Variants in SYNE1 observed in about 807,000 individuals in gnomAD.
SYNE1 encodes the protein nesprin-1.
In SYNE1, 616 loss-of-function variants were observed where a neutral mutation model predicts 1,111.0. The ratio of observed to expected loss-of-function variants is 0.55; its 90% confidence interval spans 0.52 to 0.59. SYNE1 has a LOEUF of 0.59. SYNE1 is among the 20% of genes least tolerant of loss of function. SYNE1 has a pLI of 0.00. For synonymous variants in SYNE1, 3,855 were observed against 3,825.8 expected (o/e 1.01, Z -0.28); for missense variants, 10,006 against 10,417.0 (o/e 0.96, Z 1.72).
At chr6:152,502,915 A>G (rs2099037583) in intron 9 of SYNE1, among the ~76,000 whole-genome samples, 173 bp from the exon 10 acceptor site, 1 of 152,222 alleles carries the variant, frequency 6.6e-6, no homozygotes, top group Non-Finnish European at 1.5e-5. Flanking sequence ...TCTGGATATT[A>G]CATGATGAAA....
intron 8 of SYNE1, among the ~76,000 whole-genome samples, chr6:152,509,454 A>T (rs573939669): frequency 7.8e-4 from 118 of 151,938 alleles, no homozygotes; most frequent in South Asian, 1.9e-3. Flanking sequence ...ATGGGGTTTC[A>T]CCAGATTGGC....
chr6:152,461,952 A>C (rs2098736529), intron 20 of SYNE1, among the ~76,000 whole-genome samples: 1 of 152,186 alleles, frequency 6.6e-6, no homozygotes. Context: ...AAAAGTGACC[A>C]AAACATCAAG....
In SYNE1 at chr6:152,451,105, T is replaced by A. The variant is rs1371041905; in HGVS notation, c.3128A>T (p.Asp1043Val). ...ASVEECRTEL[D>V]RETKLMPQEG... ...CTGGGGCATCAGCTTGGTCTCTCGA[T>A]CCAGCTCAGTTCTGCATTCTTCTAC... The change falls in exon 26 of 146, where the codon GAT becomes GTT. Residue 1043 changes from aspartate (D) to valine (V), a missense_variant. By Grantham distance (152) the Asp-to-Val change is radical. This residue lies in a region of SYNE1 where 1,971 missense variants were observed against 2,084.1 expected (regional missense o/e 0.95). Transcript: ENST00000367255. The A allele has an allele frequency of 6.2e-7, 1 of 1,614,186 alleles. No homozygotes were observed. Among genetic ancestry groups the A allele is most frequent in the Admixed American group, 1.7e-5 (1 of 60,024 alleles).
In SYNE1 at chr6:152,358,082, G is replaced by A. The variant is rs550882473; in HGVS notation, c.10608+291C>T. 3.1e-4 allele frequency among the ~76,000 whole-genome samples: 47 copies of A among 152,300 alleles called. 2 individuals are homozygous for A. The South Asian group carries it at 8.7e-3, about 28-fold the overall frequency. On this transcript the variant is annotated intron_variant, in intron 66 of 145. Transcript: ENST00000367255. ...CCCTTAGGGAGAAACAGGCAGGTAA[G>A]CCAGAAAACCCCATCAATTAGATCT... is the stretch of plus-strand genomic sequence containing the variant.
At chr6:152,354,142 A>G (rs2096793395) in intron 67 of SYNE1, among the ~76,000 whole-genome samples, 1 of 152,168 alleles carries the variant, frequency 6.6e-6, no homozygotes, top group African/African-American at 2.4e-5. Flanking sequence ...TCTGTCTCCA[A>G]AAAAATTAAA....
At chr6:152,297,807 G>C (rs1040790584) in intron 93 of SYNE1, among the ~76,000 whole-genome samples, 1 of 101,990 alleles carries the variant, frequency 9.8e-6, no homozygotes, top group Non-Finnish European at 2.1e-5. Context: ...GTGTGTGTGT[G>C]TGTGTGTGTG....
At chr6:152,403,310 C>T (rs557557916) in intron 46 of SYNE1, among the ~76,000 whole-genome samples, 5 of 152,248 alleles carry the variant, frequency 3.3e-5, no homozygotes, top group South Asian at 2.1e-4. Context: ...TCATGGTTCC[C>T]GTGGATTTGT....
intron 5 of SYNE1, 24 bp from the exon 6 acceptor site, chr6:152,520,566 G>A (rs1318217834): frequency 6.2e-7 from 1 of 1,611,222 alleles, no homozygotes; most frequent in East Asian, 2.2e-5. Flanking sequence ...GGTAAAAAAG[G>A]GAATGAGACA....
intron 122 of SYNE1, among the ~76,000 whole-genome samples, chr6:152,214,626 G>A (rs947468449): frequency 3.9e-5 from 6 of 152,174 alleles, no homozygotes; most frequent in Non-Finnish European, 5.9e-5. Context: ...TTCACACAGC[G>A]TTCAGCACTG....
intron 42 of SYNE1, 33 bp downstream of exon 42, chr6:152,413,319 C>T (rs367986682): frequency 1.9e-6 from 3 of 1,613,232 alleles, no homozygotes; most frequent in Non-Finnish European, 1.7e-6. Flanking sequence ...AAGTGGGAAG[C>T]TAAAAACAAG....
intron 3 of SYNE1, among the ~76,000 whole-genome samples, chr6:152,558,324 C>T (rs945972085): frequency 1.3e-5 from 2 of 152,150 alleles, no homozygotes; most frequent in East Asian, 1.9e-4. Context: ...TTTGTCAGTA[C>T]TGGGTCCTTG....
rs563168334 is a variant in SYNE1, at chr6:152,491,575, C to T, written c.940-3072G>A. ...CAACACTGCTTGGCCCCAATACAAA[C>T]TCAACAATGGTTCTAAATGGCCAGA... On this transcript the variant is annotated intron_variant, in intron 11 of 145. Transcript: ENST00000367255. 2.7e-3 allele frequency among the ~76,000 whole-genome samples: 407 copies of T among 152,266 alleles called. 3 individuals carry two copies. Among genetic ancestry groups the T allele is most frequent in the African/African-American group, 9.4e-3 (391 of 41,542 alleles).
At chr6:152,132,417 C>T (rs1158404717) in intron 143 of SYNE1, among the ~76,000 whole-genome samples, 1 of 152,180 alleles carries the variant, frequency 6.6e-6, no homozygotes, top group Non-Finnish European at 1.5e-5. Flanking sequence ...TCCTAGCTGT[C>T]CGTTTGGCCG....
chr6:152,516,398 A>G (rs1417801219), intron 6 of SYNE1, among the ~76,000 whole-genome samples: 1 of 152,232 alleles, frequency 6.6e-6, no homozygotes, highest in Admixed American at 6.5e-5. Context: ...TGTGAAAACA[A>G]GTCTTCTTTA....
intron 42 of SYNE1, among the ~76,000 whole-genome samples, chr6:152,412,807 T>C (rs1244891568): frequency 6.6e-6 from 1 of 151,676 alleles, no homozygotes; most frequent in Non-Finnish European, 1.5e-5. Context: ...TAGTACTTCA[T>C]AACTGTTGAC....
chr6:152,350,643 T>A lies in SYNE1; in HGVS notation c.11708A>T (p.Tyr3903Phe). The stretch of plus-strand genomic sequence containing the variant: ...CTTTCCTATGCTGCACAGGTCCTGG[T>A]AATCACTTTGAAGTTGATCTATTTT... ...KDKIDQLQSD[Y>F]QDLCSIGKEH... Residue 3903 changes from tyrosine to phenylalanine, a missense_variant, in exon 71 of 146, where the codon TAC (tyrosine) becomes TTC (phenylalanine). By Grantham distance (22) the Tyr-to-Phe change is conservative (BLOSUM62 3). Coordinates refer to ENST00000367255, the MANE Select transcript of SYNE1 (RefSeq NM_182961.4). 1 of 1,614,194 alleles carries A rather than the reference T, an allele frequency of 6.2e-7. No individual in the cohort carries two copies. The highest frequency in any genetic ancestry group is 1.1e-5 in the South Asian group (1 of 91,080).
rs1203448612 is a variant in SYNE1 at position 152,213,515 on chromosome 6, A to G, written c.22494+97T>C. The G allele has an allele frequency of 4.4e-6, 6 of 1,374,476 alleles. No homozygotes were observed. The Admixed American group carries it at 6.7e-5, about 15-fold the overall frequency. 85.1% of individuals were successfully genotyped at this position (1,374,476 alleles called of 1,614,324 possible). On this transcript the variant is annotated intron_variant, in intron 123 of 145. Coordinates refer to ENST00000367255, the MANE Select transcript of SYNE1 (RefSeq NM_182961.4). The stretch of plus-strand genomic sequence containing the variant: ...GATGCATGCATTTAGACACTCGTGC[A>G]AAGGGCATGATTTTAATTCTCCCAC...
At chr6:152,484,717 C>G in intron 13 of SYNE1, 118 bp downstream of exon 13, 1 of 1,092,664 alleles carries the variant, frequency 9.2e-7, no homozygotes, top group East Asian at 2.6e-5. Context: ...TTAAGTCTTT[C>G]TAGCCTCAGA....
At chr6:152,530,715 G>T (rs539919987) in intron 4 of SYNE1, among the ~76,000 whole-genome samples, 2 of 150,764 alleles carry the variant, frequency 1.3e-5, no homozygotes, top group African/African-American at 4.9e-5. Context: ...TCTGCCTCCC[G>T]GGTTCATGCC....
Sources: gnomAD v4.1 joint callset for allele counts (sites outside exome capture counted in the v4.1 genomes callset) on GRCh38, gnomAD v4.1.1 for gene constraint, gnomAD v4.1.1 regional missense constraint, MANE v1.5 for transcripts, NCBI Gene and HGNC (gene_info 2026-07-23, HGNC 2026-07-21) for gene names.